Variants in FRMD8 observed in about 807,000 individuals in gnomAD.
FRMD8 encodes the protein FERM domain-containing protein 8.
Under a neutral mutation model 54.2 loss-of-function variants are expected in FRMD8, and 37 were observed. The ratio of observed to expected loss-of-function variants is 0.68; its 90% CI spans 0.53 to 0.90. FRMD8 has a LOEUF of 0.90. FRMD8 is among the 40% of genes least tolerant of loss of function. The probability of loss-of-function intolerance (pLI) is 0.00; values close to 1 mark genes in which losing one functional copy is unlikely to be tolerated. For synonymous variants in FRMD8, 246 were observed against 286.9 expected, an observed-to-expected ratio of 0.86 and a Z score of 1.44; for missense variants, 585 against 653.7, an observed-to-expected ratio of 0.89 and a Z score of 1.15.
intron 7 of FRMD8, among the ~76,000 whole-genome samples, chr11:65,398,118 C>T (rs1316670244): frequency 1.3e-5 from 2 of 151,996 alleles, no homozygotes; most frequent in African/African-American, 2.4e-5. Flanking sequence ...TCAGGTGATC[C>T]GCCTGCCTCA....
intron 10 of FRMD8, among the ~76,000 whole-genome samples, chr11:65,405,999 CTA>C (rs748197030): frequency 6.6e-6 from 1 of 151,064 alleles, no homozygotes; most frequent in African/African-American, 2.4e-5. Flanking sequence ...CGATGAGACC[CTA>C]TATATATATA....
chr11:65,393,456 C>A, intron 3 of FRMD8, 117 bp from the exon 4 acceptor site: 2 of 709,382 alleles, frequency 2.8e-6, no homozygotes, highest in Non-Finnish European at 4.9e-6. Flanking sequence ...GGACCCTTGG[C>A]ACCTGCTCAG....
At position 65,400,131 on chromosome 11, in the gene FRMD8, C is replaced by T. The variant is rs1030771742; in HGVS notation, c.927+272C>T. 6.6e-6 allele frequency among the ~76,000 whole-genome samples: 1 copy of T among 152,138 alleles called. No homozygotes were observed. Among genetic ancestry groups the T allele is most frequent in the Non-Finnish European group, 1.5e-5 (1 of 68,004 alleles). ...GAGGGCAGCAGGGCCCGCTGCTCTG[C>T]CTGGCTGATGGCTGGAGAACAGCCT... On this transcript the variant is annotated intron_variant, in intron 8 of 10. Coordinates refer to ENST00000317568, the MANE Select transcript of FRMD8 (RefSeq NM_031904.5). The surrounding 1 kb of genome is among the most constrained non-coding windows in gnomAD (Gnocchi z 4.3).
rs540115440 is a variant in FRMD8 at position 65,386,704 on chromosome 11, G to A, written c.-58G>A. On this transcript the variant is annotated 5_prime_UTR_variant, in exon 1 of 11. Coordinates refer to ENST00000317568, the MANE Select transcript of FRMD8 (RefSeq NM_031904.5). ...CGGGCGGTGGCGGGCTTGGCGGCGG[G>A]GCAGGATTCCAGGCAGGAGCCTTGC... The A allele has an allele frequency of 3.7e-5, 12 of 325,890 alleles. No individual in the cohort carries two copies. Among genetic ancestry groups the A allele is most frequent in the African/African-American group, 2.6e-4 (12 of 46,712 alleles). 20.2% of individuals were successfully genotyped at this position (325,890 alleles called of 1,614,324 possible). A position where few individuals can be genotyped will look rare whatever the true frequency, so the allele number is the denominator to read the frequency against.
chr11:65,388,853 A>G (rs1325338513), intron 2 of FRMD8, among the ~76,000 whole-genome samples: 1 of 152,216 alleles, frequency 6.6e-6, no homozygotes. Context: ...AGACTTGCCT[A>G]AGGACAGCAG....
the FRMD8 span, among the ~76,000 whole-genome samples, chr11:65,372,059 G>C: frequency 6.6e-6 from 1 of 151,968 alleles, no homozygotes; most frequent in Non-Finnish European, 1.5e-5. Context: ...TTACAGGCAT[G>C]TGCCACCACG....
chr11:65,401,371 T>G, intron 9 of FRMD8, among the ~76,000 whole-genome samples: 1 of 76,842 alleles, frequency 1.3e-5, no homozygotes, highest in Non-Finnish European at 2.5e-5. Flanking sequence ...CTCCCTCCCC[T>G]GCTTCCCTCC....
At chr11:65,377,415 T>C in the FRMD8 span, 1 of 1,163,860 alleles carries the variant, frequency 8.6e-7, no homozygotes, top group Non-Finnish European at 1.1e-6. Flanking sequence ...AAGCCGGCAG[T>C]GAGCATACCT....
chr11:65,392,927 G>A (rs1021506357), intron 3 of FRMD8, among the ~76,000 whole-genome samples: 3 of 152,168 alleles, frequency 2.0e-5, no homozygotes, highest in East Asian at 1.9e-4. Flanking sequence ...AACATCAAGC[G>A]CAGAGGCCCT....
At chr11:65,399,375 C>G (rs1856021357) in intron 7 of FRMD8, among the ~76,000 whole-genome samples, 1 of 152,156 alleles carries the variant, frequency 6.6e-6, no homozygotes, top group African/African-American at 2.4e-5. Flanking sequence ...GCTGAAAGGT[C>G]TCCGCCTGGA....
In FRMD8 at chr11:65,411,654, C is replaced by G; in HGVS notation, c.*294C>G. 3.3e-6 allele frequency: 1 copy of G among 302,512 alleles called. No homozygotes were observed. 18.7% of individuals were successfully genotyped at this position (302,512 alleles called of 1,614,324 possible). ...GATCAAGCTGCAGCTGCCACCCTCA[C>G]CTAGAAACATGCCTTTGTGCCCACC... On this transcript the variant is annotated 3_prime_UTR_variant, in exon 11 of 11. Transcript: ENST00000317568.
intron 3 of FRMD8, among the ~76,000 whole-genome samples, chr11:65,390,495 G>A (rs1445456202): frequency 6.6e-6 from 1 of 152,130 alleles, no homozygotes; most frequent in African/African-American, 2.4e-5. Context: ...TTCTCCTGAG[G>A]CTGCTGGTTG....
chr11:65,387,280 T>C (rs772808462), intron 2 of FRMD8, 159 bp downstream of exon 2: 2 of 743,996 alleles, frequency 2.7e-6, no homozygotes, highest in Non-Finnish European at 4.7e-6. Context: ...AGTCAGAGGC[T>C]CTGTCACTAG....
chr11:65,387,347 G>C, intron 2 of FRMD8: 1 of 641,296 alleles, frequency 1.6e-6, no homozygotes, highest in Non-Finnish European at 2.8e-6. Context: ...GTTTAACATA[G>C]CTGTGAAATT....
chr11:65,403,501 G>A (rs753882854), intron 9 of FRMD8, among the ~76,000 whole-genome samples: 28 of 152,286 alleles, frequency 1.8e-4, no homozygotes, highest in African/African-American at 4.1e-4. Context: ...GACTTTCTAT[G>A]TGGACAGTCG....
Position 65,411,410 on chromosome 11 carries a change from C to T in FRMD8, c.*50C>T. The T allele has an allele frequency of 1.6e-6, 2 of 1,283,134 alleles. No individual in the cohort carries two copies. Among genetic ancestry groups the T allele is most frequent in the Non-Finnish European group, 2.1e-6 (2 of 935,930 alleles). 79.5% of individuals were successfully genotyped at this position (1,283,134 alleles called of 1,614,324 possible). A position where few individuals can be genotyped will look rare whatever the true frequency, so the allele number is the denominator to read the frequency against. ...GGCGACTGGGGGCCCTGGCCCGGCA[C>T]TGTCCTCCTGAGGGGCAGGCGCCGG... On this transcript the variant is annotated 3_prime_UTR_variant, in exon 11 of 11. Coordinates refer to ENST00000317568, the MANE Select transcript of FRMD8 (RefSeq NM_031904.5).
intron 10 of FRMD8, among the ~76,000 whole-genome samples, chr11:65,411,040 C>T (rs1856318086): frequency 6.6e-6 from 1 of 152,186 alleles, no homozygotes. Context: ...CTGTGATGAC[C>T]TTAGGTCGGC....
chr11:65,383,902 T>C (rs903457060), upstream of FRMD8, among the ~76,000 whole-genome samples: 1 of 152,042 alleles, frequency 6.6e-6, no homozygotes, highest in Non-Finnish European at 1.5e-5. Flanking sequence ...GTGAACCCAA[T>C]GGGCGGTTAC....
chr11:65,393,626 G>C lies in FRMD8; in HGVS notation c.307G>C (p.Glu103Gln), dbSNP rs1478411325. ...QPYKLGRQWP[E>Q]LLLRFTSAPD... ...CTACAAGCTGGGACGCCAGTGGCCG[G>C]AGCTGCTGCTGCGCTTCACCAGTGC... Residue 103 changes from glutamate (E) to glutamine (Q), a missense_variant, in exon 4 of 11, where the codon GAG (glutamate) becomes CAG (glutamine). Physicochemically the swap from Glu to Gln is conservative, Grantham distance 29. Coordinates refer to ENST00000317568, the MANE Select transcript of FRMD8 (RefSeq NM_031904.5). The C allele has an allele frequency of 6.2e-7, 1 of 1,608,620 alleles. No homozygotes were observed. The highest frequency in any genetic ancestry group is 1.6e-4 in the Middle Eastern group (1 of 6,062).
Sources: allele counts gnomAD v4.1 joint callset (sites outside exome capture counted in the v4.1 genomes callset), GRCh38; gene constraint gnomAD v4.1.1; non-coding constraint Gnocchi (gnomAD v3.1); transcripts MANE v1.5; gene names NCBI Gene and HGNC (gene_info 2026-07-23, HGNC 2026-07-21).